SORCS3: variants seen among roughly 807,000 people sequenced by gnomAD.
SORCS3 encodes the protein VPS10 domain-containing receptor SorCS3.
In SORCS3, 57 loss-of-function variants were observed where a neutral mutation model predicts 146.3. That is an observed-to-expected ratio of 0.39 (90% confidence interval 0.31 to 0.49). SORCS3 has a LOEUF of 0.49. Ranked by LOEUF, SORCS3 falls within the 20% of genes least tolerant of loss-of-function variation. The pLI is 0.92. For synonymous variants in SORCS3, 653 were observed against 618.5 expected, an observed-to-expected ratio of 1.06 and a Z score of -0.83; for missense variants, 1,341 against 1,575.5, an observed-to-expected ratio of 0.85 and a Z score of 2.52.
At chr10:105,229,654 G>T (rs1460441275) in intron 20 of SORCS3, among the ~76,000 whole-genome samples, 1 of 152,188 alleles carries the variant, frequency 6.6e-6, no homozygotes, top group Non-Finnish European at 1.5e-5. Context: ...TCCCTTGCTG[G>T]ATTGGAGGCA....
intron 1 of SORCS3, among the ~76,000 whole-genome samples, chr10:104,722,560 C>T (rs1006083277): frequency 6.6e-5 from 10 of 152,162 alleles, no homozygotes; most frequent in Admixed American, 5.9e-4. Context: ...ATGGTACCAG[C>T]CCCTCCTTGT....
intron 7 of SORCS3, 40 bp downstream of exon 7, chr10:105,105,555 C>T (rs376767421): frequency 5.5e-5 from 79 of 1,424,006 alleles, no homozygotes; most frequent in Non-Finnish European, 6.9e-5. Context: ...GAGGATGCAT[C>T]GTTGAAGTTG....
At position 105,119,468 on chromosome 10, in the gene SORCS3, C is replaced by T. The variant is rs117769262; in HGVS notation, c.1212+13953C>T. On this transcript the variant is annotated intron_variant, in intron 7 of 26. Coordinates refer to ENST00000369701, the MANE Select transcript of SORCS3 (RefSeq NM_014978.3). ...GGAGCACTGAGAAGAGGGCCACCAT[C>T]CTCCAGACCTCAGAATGATAGATCT... Among the ~76,000 whole-genome samples, 1,335 of 152,260 alleles carry T rather than the reference C, an allele frequency of 8.8e-3. 9 individuals carry two copies. The highest frequency in any genetic ancestry group is 0.015 in the Non-Finnish European group (1,021 of 68,014).
chr10:104,882,501 T>C (rs1394300134), intron 2 of SORCS3, among the ~76,000 whole-genome samples: 1 of 152,154 alleles, frequency 6.6e-6, no homozygotes, highest in African/African-American at 2.4e-5. Context: ...TATAGTCTCA[T>C]TGTTTGTGCT....
At chr10:104,844,289 A>G (rs142364854) in intron 2 of SORCS3, among the ~76,000 whole-genome samples, 1 of 152,252 alleles carries the variant, frequency 6.6e-6, no homozygotes, top group Non-Finnish European at 1.5e-5. Context: ...AAGCACAATG[A>G]TGCTGTGTGA....
intron 7 of SORCS3, among the ~76,000 whole-genome samples, chr10:105,127,184 C>T (rs1362090839): frequency 6.6e-6 from 1 of 152,106 alleles, no homozygotes; most frequent in East Asian, 1.9e-4. Context: ...TGGGGAAGAA[C>T]ATCTTGTACT....
chr10:105,224,574 T>TAA lies in SORCS3; in HGVS notation c.2868+1326_2868+1327dup, dbSNP rs574953075. On this transcript the variant is annotated intron_variant, in intron 20 of 26. Coordinates refer to ENST00000369701, the MANE Select transcript of SORCS3 (RefSeq NM_014978.3). Reference sequence around the variant, plus strand: ...TTCATGGGCAAGTTTTCTGTGGACATAAGTTTTCGACTACTTTGGATAAAT... The same window carrying TAA: ...TTCATGGGCAAGTTTTCTGTGGACATAAAAGTTTTCGACTACTTTGGATAAAT... 1.8e-3 allele frequency among the ~76,000 whole-genome samples: 281 copies of TAA among 152,332 alleles called. 1 individual carries two copies. Among genetic ancestry groups the TAA allele is most frequent in the African/African-American group, 6.3e-3 (263 of 41,566 alleles).
Position 104,657,474 on chromosome 10 carries a change from G to A in SORCS3, c.627+15520G>A, listed in dbSNP as rs1456140361. Among the ~76,000 whole-genome samples, 6 of 152,328 alleles carry A rather than the reference G, an allele frequency of 3.9e-5. No homozygotes were observed. In the East Asian group the frequency reaches 1.2e-3, roughly 29 times the overall value. ...GCTCACCTGTATTTCGAGATCATTA[G>A]CCTGCTACATACATGCTCAGGGATG... On this transcript the variant is annotated intron_variant, in intron 1 of 26. Transcript: ENST00000369701.
chr10:104,834,733 G>C (rs1436953011), intron 1 of SORCS3, among the ~76,000 whole-genome samples: 1 of 149,274 alleles, frequency 6.7e-6, no homozygotes, highest in African/African-American at 2.5e-5. Flanking sequence ...TATTATCTTA[G>C]AGGGGGCAAA....
chr10:104,762,158 G>A (rs1438368448), intron 1 of SORCS3, among the ~76,000 whole-genome samples: 1 of 152,008 alleles, frequency 6.6e-6, no homozygotes, highest in African/African-American at 2.4e-5. Context: ...TCCATCTCTG[G>A]CCCCACCTCC....
chr10:104,882,719 A>G (rs1479847706), intron 2 of SORCS3, among the ~76,000 whole-genome samples: 1 of 152,172 alleles, frequency 6.6e-6, no homozygotes, highest in African/African-American at 2.4e-5. Flanking sequence ...CAACCTTCCA[A>G]TTTGATACAG....
At chr10:105,089,524 T>C (rs887180651) in intron 5 of SORCS3, among the ~76,000 whole-genome samples, 1 of 152,216 alleles carries the variant, frequency 6.6e-6, no homozygotes, top group Non-Finnish European at 1.5e-5. Flanking sequence ...TGTATTCTTC[T>C]CTATTTTCTT....
rs538914572 is a variant in SORCS3, at chr10:104,786,892, C to T, written c.628-55900C>T. Reference sequence around the variant, plus strand: ...GGAAACCATTCAGAACCTTCCACCACCCCAAGGCAGCACTGCCCACTCCTG... The same window carrying T: ...GGAAACCATTCAGAACCTTCCACCATCCCAAGGCAGCACTGCCCACTCCTG... On this transcript the variant is annotated intron_variant, in intron 1 of 26. Transcript: ENST00000369701. Among the ~76,000 whole-genome samples, 67 of 152,280 alleles carry T rather than the reference C, an allele frequency of 4.4e-4. 1 individual carries two copies. In the South Asian group the frequency reaches 0.013, roughly 31 times the overall value.
chr10:105,247,136 C>T (rs1564795010), intron 21 of SORCS3, 83 bp from the exon 22 acceptor site: 4 of 614,546 alleles, frequency 6.5e-6, no homozygotes, highest in Non-Finnish European at 2.8e-6. Context: ...ACCAAAAGCA[C>T]AGTGATGGTG....
intron 5 of SORCS3, among the ~76,000 whole-genome samples, chr10:105,078,697 C>T (rs790734): frequency 0.31 from 47,261 of 152,038 alleles, 7,567 homozygotes; most frequent in Admixed American, 0.39. Flanking sequence ...TAACATGTGC[C>T]TCTCTTTCTT....
intron 1 of SORCS3, among the ~76,000 whole-genome samples, chr10:104,830,910 C>G (rs1033877159): frequency 6.6e-6 from 1 of 152,132 alleles, no homozygotes; most frequent in Admixed American, 6.5e-5. Context: ...CTCCTGGGCT[C>G]AAGTGTTCCT....
At chr10:104,671,776 G>T (rs141982155) in intron 1 of SORCS3, among the ~76,000 whole-genome samples, 1 of 151,976 alleles carries the variant, frequency 6.6e-6, no homozygotes, top group African/African-American at 2.4e-5. Context: ...GTGGTATACT[G>T]GTCAATTTTC....
At chr10:105,160,879 G>C (rs930221245) in intron 11 of SORCS3, among the ~76,000 whole-genome samples, 2 of 152,104 alleles carry the variant, frequency 1.3e-5, no homozygotes, top group African/African-American at 4.8e-5. Context: ...TGTGCATTTG[G>C]CTTAGTTTTT....
At chr10:104,662,192 T>C (rs1045678505) in intron 1 of SORCS3, among the ~76,000 whole-genome samples, 2 of 152,184 alleles carry the variant, frequency 1.3e-5, no homozygotes, top group African/African-American at 4.8e-5. Flanking sequence ...ACAGAGTTTG[T>C]GAGTGCGGAT....
Sources: allele counts gnomAD v4.1 joint callset (sites outside exome capture counted in the v4.1 genomes callset), GRCh38; gene constraint gnomAD v4.1.1; transcripts MANE v1.5; gene names NCBI Gene and HGNC (gene_info 2026-07-23, HGNC 2026-07-21).